EDRF1: variants seen among roughly 807,000 people sequenced by gnomAD.
EDRF1 encodes erythroid differentiation regulatory factor 1.
In EDRF1, 69 loss-of-function variants were observed where a neutral mutation model predicts 148.7. The ratio of observed to expected loss-of-function variants is 0.46; its 90% CI spans 0.38 to 0.57. EDRF1 has a LOEUF of 0.57. Ranked by LOEUF, EDRF1 falls within the 20% of genes least tolerant of loss-of-function variation. The pLI is 0.00. For synonymous variants in EDRF1, 515 were observed against 532.8 expected (o/e 0.97, Z 0.46); for missense variants, 1,118 against 1,478.7 (o/e 0.76, Z 4.00).
Position 125,763,020 on chromosome 10 carries a change from GTT to G in EDRF1, c.3546-278_3546-277del, listed in dbSNP as rs1270736822. The stretch of plus-strand genomic sequence containing the variant: ...ATAAGGCAGGGGCTTCTTTTTGCCT[GTT>G]TTGTTCTCTGTCAAGAGCAATTCCT... On this transcript the variant is annotated intron_variant, in intron 24 of 24. Transcript: ENST00000356792. This position sits in a 1 kb window ranked among gnomAD's most constrained non-coding sequence, Gnocchi z 4.3. Among the ~76,000 whole-genome samples the G allele has an allele frequency of 1.6e-4, 25 of 152,048 alleles. No homozygotes were observed. The East Asian group carries it at 4.4e-3, about 27-fold the overall frequency.
chr10:125,759,339 C>T (rs927544100), intron 24 of EDRF1, among the ~76,000 whole-genome samples: 2 of 152,182 alleles, frequency 1.3e-5, no homozygotes, highest in African/African-American at 4.8e-5. Flanking sequence ...GCCTGTCTCT[C>T]CTTAGATTGC....
rs1286433858 is a variant in EDRF1, at chr10:125,719,753, TTGC to T, written c.-44_-42del. The T allele has an allele frequency of 6.9e-6, 10 of 1,458,550 alleles. No homozygotes were observed. The highest frequency in any genetic ancestry group is 2.4e-5 in the East Asian group (1 of 41,616). 90.4% of individuals were successfully genotyped at this position (1,458,550 alleles called of 1,614,324 possible). A position where few individuals can be genotyped will look rare whatever the true frequency, so the allele number is the denominator to read the frequency against. On this transcript the variant is annotated 5_prime_UTR_variant, in exon 1 of 25. Coordinates refer to ENST00000356792, the MANE Select transcript of EDRF1 (RefSeq NM_001202438.2). ...GCGCTTACCCTGCTTTGGGCCTGCG[TTGC>T]TGCTGCTGCTCCTCCGCTCCCCCGT...
intron 17 of EDRF1, 22 bp from the exon 18 acceptor site, chr10:125,743,036 T>G (rs1355908199): frequency 1.9e-6 from 3 of 1,611,876 alleles, no homozygotes; most frequent in East Asian, 2.2e-5. Context: ...TTCGCATTGA[T>G]GTATCCCTTT....
chr10:125,735,829 C>T lies in EDRF1; in HGVS notation c.1683C>T (p.Ser561=). Reference sequence around the variant, plus strand: ...CCAGCTCTGATCCATCAGATGATAGCAAAGCAGTAGCTATAATCAAGTCTG... The same window carrying T: ...CCAGCTCTGATCCATCAGATGATAGTAAAGCAGTAGCTATAATCAAGTCTG... ...YSTSSDPSDD[S]KAVAIIKSVG... The change falls in exon 13 of 25, where the codon AGC becomes AGT. Residue 561 remains serine (S), a synonymous_variant. Transcript: ENST00000356792. 2 of 1,613,280 alleles carry T rather than the reference C, an allele frequency of 1.2e-6. No individual in the cohort carries two copies. The highest frequency in any genetic ancestry group is 1.1e-5 in the South Asian group (1 of 91,020).
intron 6 of EDRF1, among the ~76,000 whole-genome samples, chr10:125,726,050 G>T (rs956946933): frequency 6.6e-6 from 1 of 152,112 alleles, no homozygotes; most frequent in African/African-American, 2.4e-5. Flanking sequence ...TAGGTGGGGA[G>T]ATCAGATTTT....
rs138599524 is a variant in EDRF1, at chr10:125,749,475, G to A, written c.3187G>A (p.Ala1063Thr). Residue 1063 changes from alanine (A) to threonine (T), a missense_variant, in exon 22 of 25, where the codon GCA becomes ACA. By Grantham distance (58) the Ala-to-Thr change is moderately conservative. Coordinates refer to ENST00000356792, the MANE Select transcript of EDRF1 (RefSeq NM_001202438.2). ...VLADLHYSKA[A>T]KLFQLLKDAP... ...GGCAGATCTTCATTACAGCAAGGCC[G>A]CAAAGCTGTTTCAGCTGCTGAAAGA... The A allele has an allele frequency of 6.2e-6, 10 of 1,614,016 alleles. No homozygotes were observed. Among genetic ancestry groups the A allele is most frequent in the Middle Eastern group, 1.6e-4 (1 of 6,084 alleles).
At chr10:125,738,603 A>G (rs1252948391) in intron 15 of EDRF1, among the ~76,000 whole-genome samples, 158 bp downstream of exon 15, 1 of 152,212 alleles carries the variant, frequency 6.6e-6, no homozygotes, top group Admixed American at 6.5e-5. Context: ...CATTTGAAAT[A>G]TAAAAAGGAT....
chr10:125,746,003 T>G lies in EDRF1; in HGVS notation c.2814+73T>G, dbSNP rs550161839. 3.6e-5 allele frequency: 49 copies of G among 1,362,900 alleles called. No homozygotes were observed. In the South Asian group the frequency reaches 5.3e-4, roughly 15 times the overall value. The allele number at this position is 1,362,900 out of a possible 1,614,324, so 84.4% of individuals were successfully genotyped here. Reference sequence around the variant, plus strand: ...TTTATTTACATTTTGCCAGTTTCACTAAAATACTATAAAACTAAAAATAAT... The same window carrying G: ...TTTATTTACATTTTGCCAGTTTCACGAAAATACTATAAAACTAAAAATAAT... On this transcript the variant is annotated intron_variant, in intron 19 of 24. Transcript: ENST00000356792.
At chr10:125,724,954 G>A (rs997605942) in intron 4 of EDRF1, among the ~76,000 whole-genome samples, 6 of 152,192 alleles carry the variant, frequency 3.9e-5, no homozygotes, top group Admixed American at 3.3e-4. Flanking sequence ...TAGGCACGGG[G>A]ATGTGACAGT....
chr10:125,755,785 G>A lies in EDRF1; in HGVS notation c.3545+1940G>A, dbSNP rs1040482989. ...CTTATTATCCTTTTAATGTCTAAGG[G>A]GGTTTGTGATGATAGCCCTTCTTTT... On this transcript the variant is annotated intron_variant, in intron 24 of 24. Coordinates refer to ENST00000356792, the MANE Select transcript of EDRF1 (RefSeq NM_001202438.2). Among the ~76,000 whole-genome samples, 6 of 152,216 alleles carry A rather than the reference G, an allele frequency of 3.9e-5. No individual in the cohort carries two copies. The Middle Eastern group carries it at 0.01, about 259-fold the overall frequency.
At chr10:125,733,778 C>A in intron 11 of EDRF1, 35 bp downstream of exon 11, 1 of 1,553,968 alleles carries the variant, frequency 6.4e-7, no homozygotes. Flanking sequence ...GAAGAAGTAG[C>A]CTATTATATA....
intron 22 of EDRF1, among the ~76,000 whole-genome samples, chr10:125,752,417 A>G (rs150482212): frequency 5.1e-4 from 78 of 152,342 alleles, no homozygotes; most frequent in African/African-American, 1.6e-3. Flanking sequence ...CAGAGATGTA[A>G]TAAACTATTT....
intron 9 of EDRF1, 33 bp from the exon 10 acceptor site, chr10:125,733,371 T>C: frequency 1.3e-6 from 2 of 1,531,316 alleles, no homozygotes; most frequent in Non-Finnish European, 1.8e-6. Flanking sequence ...GGGTTTTCTC[T>C]TAAACTGCTT....
At chr10:125,735,571 C>T (rs762280933) in intron 12 of EDRF1, 73 bp from the exon 13 acceptor site, 40 of 1,484,524 alleles carry the variant, frequency 2.7e-5, no homozygotes, top group African/African-American at 8.3e-5. Flanking sequence ...TCCTAAAATT[C>T]GTTAGTATGG....
chr10:125,737,976 G>A lies in EDRF1; in HGVS notation c.1817G>A (p.Ser606Asn). ...GAAGAGCGCTGTAGACTTGTGCTTA[G>A]CTATGTTCTAGAGGTAAGTTTAAGT... ...DTEERCRLVL[S>N]YVLEGLKSVD... The change falls in exon 14 of 25, where the codon AGC (serine) becomes AAC (asparagine). Residue 606 changes from serine to asparagine, a missense_variant. By Grantham distance (46) the Ser-to-Asn change is conservative (BLOSUM62 1). Coordinates refer to ENST00000356792, the MANE Select transcript of EDRF1 (RefSeq NM_001202438.2). 1.2e-6 allele frequency: 2 copies of A among 1,613,914 alleles called. No homozygotes were observed. The highest frequency in any genetic ancestry group is 2.2e-5 in the South Asian group (2 of 91,074).
chr10:125,759,280 C>T (rs1160357874), intron 24 of EDRF1, among the ~76,000 whole-genome samples: 2 of 152,212 alleles, frequency 1.3e-5, no homozygotes, highest in African/African-American at 2.4e-5. Flanking sequence ...TGGCATCTGG[C>T]TGCATCTGCC....
Position 125,729,383 on chromosome 10 carries a change from A to G in EDRF1, c.920A>G (p.Asn307Ser). 6.2e-7 allele frequency: 1 copy of G among 1,613,676 alleles called. No individual in the cohort carries two copies. The highest frequency in any genetic ancestry group is 1.1e-5 in the South Asian group (1 of 91,072). Residue 307 changes from asparagine (N) to serine (S), a missense_variant, in exon 8 of 25, where the codon AAT becomes AGT. Physicochemically the swap from Asn to Ser is conservative, Grantham distance 46. Transcript: ENST00000356792. Reference sequence around the variant, plus strand: ...GGTCTTAAAAATGATTTTGTTCGGAATATTCTATGGACATTTGAAGATATC... The same window carrying G: ...GGTCTTAAAAATGATTTTGTTCGGAGTATTCTATGGACATTTGAAGATATC... ...SQGLKNDFVR[N>S]ILWTFEDIHM...
chr10:125,724,283 G>A (rs1440926978), intron 4 of EDRF1, among the ~76,000 whole-genome samples: 1 of 152,162 alleles, frequency 6.6e-6, no homozygotes, highest in Non-Finnish European at 1.5e-5. Context: ...AGGAAACACA[G>A]CTACTGGAAA....
At chr10:125,741,276 A>G in intron 17 of EDRF1, 75 bp downstream of exon 17, 1 of 1,273,938 alleles carries the variant, frequency 7.8e-7, no homozygotes, top group East Asian at 2.4e-5. Context: ...GAGTATTCAG[A>G]AAAGGGGTAG....
Sources: gnomAD v4.1 joint callset for allele counts (sites outside exome capture counted in the v4.1 genomes callset) on GRCh38, gnomAD v4.1.1 for gene constraint, Gnocchi (gnomAD v3.1) non-coding constraint, MANE v1.5 for transcripts, NCBI Gene and HGNC (gene_info 2026-07-23, HGNC 2026-07-21) for gene names.